HDX: variants seen among roughly 807,000 people sequenced by gnomAD.
HDX encodes chromosome X open reading frame 43.
HDX carries 19 observed loss-of-function variants against 45.2 expected under a neutral mutation model. The observed-to-expected ratio is 0.42, with a 90% CI of 0.29 to 0.62. HDX has a LOEUF of 0.62. Ranked by LOEUF, HDX falls within the 20% of genes least tolerant of loss-of-function variation. The pLI is 0.20. For missense variants in HDX, 532 were observed against 493.9 expected (o/e 1.08, Z -0.73); for synonymous variants, 188 against 172.8 (o/e 1.09, Z -0.69).
chrX:84,366,112 G>A (rs1314681936), intron 5 of HDX, among the ~76,000 whole-genome samples: 1 of 111,759 alleles, frequency 8.9e-6, no homozygotes, highest in African/African-American at 3.3e-5. Context: ...ATCTCCTTAA[G>A]CTGATAAGCA....
chrX:84,498,619 A>G (rs972016266), intron 1 of HDX, among the ~76,000 whole-genome samples: 4 of 112,153 alleles, frequency 3.6e-5, no homozygotes, highest in African/African-American at 1.3e-4. Flanking sequence ...CTCTGGAAGT[A>G]TGATACAATT....
chrX:84,452,532 C>T (rs1602484316), intron 4 of HDX, among the ~76,000 whole-genome samples: 1 of 97,988 alleles, frequency 1.0e-5, no homozygotes, highest in South Asian at 4.6e-4. Flanking sequence ...CTCTTAAGCT[C>T]ATTACAAAAA....
intron 5 of HDX, among the ~76,000 whole-genome samples, chrX:84,396,688 G>A (rs1338312295): frequency 8.9e-6 from 1 of 111,761 alleles, no homozygotes; most frequent in East Asian, 2.8e-4. Flanking sequence ...GGTTGGGAAG[G>A]CCAGTCTCCA....
intron 5 of HDX, among the ~76,000 whole-genome samples, chrX:84,371,506 G>A (rs1417518836): frequency 4.5e-5 from 5 of 111,976 alleles, no homozygotes; most frequent in African/African-American, 1.6e-4. Context: ...TTTAGAAAGA[G>A]CAGCAATAGC....
intron 4 of HDX, among the ~76,000 whole-genome samples, chrX:84,450,409 A>T (rs1466120767): frequency 8.9e-6 from 1 of 111,816 alleles, no homozygotes; most frequent in Admixed American, 9.5e-5. Context: ...ACTTAGATAA[A>T]ACAGACTTTA....
chrX:84,326,236 T>C lies in HDX; in HGVS notation c.1889A>G (p.Gln630Arg). The change falls in exon 10 of 11, where the codon CAG becomes CGG. Residue 630 changes from glutamine to arginine, a missense_variant. Transcript: ENST00000373177. Reference sequence around the variant, plus strand: ...TAATATCAAGCTTCTAACAAAAGTCTGAAGTTTAAAGTATTTTTGCTTTTG... The same window carrying C: ...TAATATCAAGCTTCTAACAAAAGTCCGAAGTTTAAAGTATTTTTGCTTTTG... ...EIQKQKYFKLQTFVRSLILAM... is the reference protein window; with the variant it reads ...EIQKQKYFKLRTFVRSLILAM... The C allele has an allele frequency of 8.3e-7, 1 of 1,197,891 alleles. No homozygotes were observed. The highest frequency in any genetic ancestry group is 1.1e-6 in the Non-Finnish European group (1 of 883,128).
chrX:84,354,471 A>C (rs1176397326), intron 6 of HDX, among the ~76,000 whole-genome samples: 1 of 111,351 alleles, frequency 9.0e-6, no homozygotes, highest in Non-Finnish European at 1.9e-5. Flanking sequence ...ACTATGTACC[A>C]AACACTGTTT....
At chrX:84,358,415 T>C (rs2037539598) in intron 6 of HDX, among the ~76,000 whole-genome samples, 1 of 111,904 alleles carries the variant, frequency 8.9e-6, no homozygotes, top group African/African-American at 3.2e-5. Flanking sequence ...TTCCCTATTT[T>C]TGGCTGTTGC....
chrX:84,481,685 C>T (rs925960046), intron 2 of HDX, among the ~76,000 whole-genome samples: 1 of 111,010 alleles, frequency 9.0e-6, no homozygotes, highest in African/African-American at 3.3e-5. Flanking sequence ...CAGTGACCAC[C>T]AAATTTAATC....
chrX:84,325,283 T>C (rs1182023507), intron 10 of HDX, among the ~76,000 whole-genome samples: 1 of 111,374 alleles, frequency 9.0e-6, no homozygotes, highest in East Asian at 2.8e-4. Flanking sequence ...ATACATGCTG[T>C]CTTTCTTTGA....
chrX:84,474,925 A>G (rs760218314), intron 3 of HDX, among the ~76,000 whole-genome samples: 3 of 111,742 alleles, frequency 2.7e-5, no homozygotes, highest in Non-Finnish European at 5.6e-5. Flanking sequence ...TACTGATATT[A>G]TTTTTGGGGA....
intron 5 of HDX, among the ~76,000 whole-genome samples, chrX:84,419,433 G>C (rs887359902): frequency 8.9e-6 from 1 of 112,033 alleles, no homozygotes; most frequent in African/African-American, 3.2e-5. Flanking sequence ...GTGGCTATGG[G>C]CCGAGGATTC....
intron 5 of HDX, among the ~76,000 whole-genome samples, chrX:84,379,017 TCAGA>T (rs1441248020): frequency 9.1e-6 from 1 of 110,108 alleles, no homozygotes; most frequent in Non-Finnish European, 1.9e-5. Context: ...TATACTTATA[TCAGA>T]CAAAGTAGAT....
chrX:84,465,480 C>G (rs1170659176), intron 4 of HDX, among the ~76,000 whole-genome samples: 1 of 112,438 alleles, frequency 8.9e-6, no homozygotes. Flanking sequence ...CCATGGAATA[C>G]TATGCAGCCA....
chrX:84,379,752 A>G (rs2038144646), intron 5 of HDX, among the ~76,000 whole-genome samples: 1 of 110,800 alleles, frequency 9.0e-6, no homozygotes, highest in African/African-American at 3.3e-5. Context: ...TATGGCTATA[A>G]TTGCCTATCT....
chrX:84,449,951 T>C (rs181771131), intron 4 of HDX, among the ~76,000 whole-genome samples: 1,445 of 108,591 alleles, frequency 0.013, 13 homozygotes, highest in Non-Finnish European at 0.021. Flanking sequence ...ACACCGGGCC[T>C]GTTGTGGGGT....
chrX:84,360,323 T>C (rs1220874940), intron 6 of HDX, among the ~76,000 whole-genome samples: 1 of 112,221 alleles, frequency 8.9e-6, no homozygotes, highest in Non-Finnish European at 1.9e-5. Flanking sequence ...ACTTTTACAC[T>C]GTAGGTGGGA....
Position 84,469,029 on chromosome X carries a change from T to C in HDX, c.694A>G (p.Lys232Glu), listed in dbSNP as rs1051202483. ...IEPVGIQRSY[K>E]PEHTGPALHN... ...AATGCTGGGCCTGTGTGTTCAGGCT[T>C]ATATGACCTTTGAATCCCAACTGGT... is the stretch of plus-strand genomic sequence containing the variant. Residue 232 changes from lysine to glutamate, a missense_variant, in exon 4 of 11, where the codon AAG becomes GAG. Physicochemically the swap from Lys to Glu is moderately conservative, Grantham distance 56. Coordinates refer to ENST00000373177, the MANE Select transcript of HDX (RefSeq NM_001177479.2). 13 of 1,209,596 alleles carry C rather than the reference T, an allele frequency of 1.1e-5. No homozygotes were observed. Among genetic ancestry groups the C allele is most frequent in the Admixed American group, 2.2e-5 (1 of 45,706 alleles).
chrX:84,495,452 A>G (rs2040981082), intron 1 of HDX, among the ~76,000 whole-genome samples: 1 of 111,706 alleles, frequency 9.0e-6, no homozygotes, highest in Non-Finnish European at 1.9e-5. Flanking sequence ...GTTACACACT[A>G]TAAACATATA....
Sources: gnomAD v4.1 joint callset for allele counts (sites outside exome capture counted in the v4.1 genomes callset) on GRCh38, gnomAD v4.1.1 for gene constraint, MANE v1.5 for transcripts, NCBI Gene and HGNC (gene_info 2026-07-23, HGNC 2026-07-21) for gene names.